The following SHANK2 variants were observed in gnomAD, a reference collection of about 807,000 sequenced individuals.
SHANK2 encodes the protein SH3 and multiple ankyrin repeat domains 2, also known as SH3 and multiple ankyrin repeat domains protein 2.
Under a neutral mutation model 133.7 loss-of-function variants are expected in SHANK2, and 43 were observed. The observed-to-expected ratio is 0.32, with a 90% CI of 0.25 to 0.41. The LOEUF (loss-of-function observed/expected upper bound fraction) is 0.41, where lower values mean the gene tolerates loss of function less well. Ranked by LOEUF, SHANK2 falls within the 10% of genes least tolerant of loss-of-function variation. The probability of loss-of-function intolerance (pLI) is 1.00; values close to 1 mark genes in which losing one functional copy is unlikely to be tolerated. For missense variants in SHANK2, 1,994 were observed against 2,235.8 expected, an observed-to-expected ratio of 0.89 and a Z score of 2.18; for synonymous variants, 1,017 against 952.8, an observed-to-expected ratio of 1.07 and a Z score of -1.24.
chr11:71,145,816 CG>C (rs1952632499), intron 3 of SHANK2, among the ~76,000 whole-genome samples: 4 of 151,908 alleles, frequency 2.6e-5, no homozygotes, highest in Non-Finnish European at 5.9e-5. Flanking sequence ...TCATAGAGGT[CG>C]GGGTGGATGC....
chr11:70,475,707 C>T (rs931213748), intron 25 of SHANK2, among the ~76,000 whole-genome samples: 1 of 152,162 alleles, frequency 6.6e-6, no homozygotes, highest in Admixed American at 6.5e-5. Context: ...CACTGCTGGG[C>T]CAGGGACCCC....
At chr11:70,668,557 A>C (rs1555015320) in intron 15 of SHANK2, 2 of 152,252 alleles carry the variant, frequency 1.3e-5, no homozygotes, top group African/African-American at 2.4e-5. Flanking sequence ...TCTTGTTTTG[A>C]GCCCCCTAGT....
At chr11:70,757,436 T>C (rs2134951343) in intron 14 of SHANK2, among the ~76,000 whole-genome samples, 1 of 152,212 alleles carries the variant, frequency 6.6e-6, no homozygotes, top group East Asian at 1.9e-4. Context: ...GTCCCCTACA[T>C]GGAGAGGCCG....
At chr11:70,839,156 C>T (rs555092831) in intron 11 of SHANK2, among the ~76,000 whole-genome samples, 79 of 152,324 alleles carry the variant, frequency 5.2e-4, no homozygotes, top group Non-Finnish European at 9.6e-4. Flanking sequence ...AACACACTTG[C>T]GGATATTCAG....
intron 21 of SHANK2, among the ~76,000 whole-genome samples, chr11:70,495,098 G>A (rs1283683614): frequency 6.6e-6 from 1 of 152,178 alleles, no homozygotes; most frequent in Non-Finnish European, 1.5e-5. Flanking sequence ...TGTGACCCCA[G>A]TCCAGAGCCG....
chr11:70,955,428 T>TGTGTGC (rs1429930083), intron 10 of SHANK2, among the ~76,000 whole-genome samples: 1 of 130,416 alleles, frequency 7.7e-6, no homozygotes, highest in African/African-American at 2.7e-5. Context: ...ACGGGGTGTG[T>TGTGTGC]GTGTGTGTGT....
At chr11:71,215,943 G>A (rs1234693105) in intron 2 of SHANK2, among the ~76,000 whole-genome samples, 1 of 152,074 alleles carries the variant, frequency 6.6e-6, no homozygotes, top group African/African-American at 2.4e-5. Flanking sequence ...CCACCCTCCA[G>A]GATGAAGATA....
chr11:71,058,362 C>T (rs1024243568), intron 9 of SHANK2, among the ~76,000 whole-genome samples: 15 of 152,114 alleles, frequency 9.9e-5, no homozygotes, highest in African/African-American at 1.9e-4. Context: ...AGAATGTTGA[C>T]GTAGCCAATA....
At chr11:70,491,912 C>T (rs575162851) in intron 22 of SHANK2, among the ~76,000 whole-genome samples, 3 of 152,288 alleles carry the variant, frequency 2.0e-5, no homozygotes, top group African/African-American at 4.8e-5. Context: ...AAGTGTTGCC[C>T]AGGATCTCGG....
In SHANK2 at chr11:70,569,074, T is replaced by TA. The variant is rs1225818752; in HGVS notation, c.2062-66144dup. On this transcript the variant is annotated intron_variant, in intron 17 of 25. Transcript: ENST00000601538. This position sits in a 1 kb window ranked among gnomAD's most constrained non-coding sequence, Gnocchi z 5.1. ...CAGGCCCCACTCCTGCCGCTGGACTTACAGTGAACGGAGCCAGGAAAGCGA... is the reference window on the plus strand; with the variant it reads ...CAGGCCCCACTCCTGCCGCTGGACTTAACAGTGAACGGAGCCAGGAAAGCGA... Among the ~76,000 whole-genome samples the TA allele has an allele frequency of 2.0e-4, 31 of 152,294 alleles. 1 individual carries two copies. Among genetic ancestry groups the TA allele is most frequent in the African/African-American group, 7.0e-4 (29 of 41,578 alleles).
At chr11:71,166,785 C>T (rs1953160126) in intron 2 of SHANK2, among the ~76,000 whole-genome samples, 1 of 150,932 alleles carries the variant, frequency 6.6e-6, no homozygotes, top group African/African-American at 2.4e-5. Flanking sequence ...ACCGGGCCCA[C>T]ACTTCTTTTT....
chr11:70,770,081 C>T (rs1322626668), intron 14 of SHANK2, among the ~76,000 whole-genome samples: 1 of 152,350 alleles, frequency 6.6e-6, no homozygotes, highest in East Asian at 1.9e-4. Context: ...CTCTGGCTCC[C>T]TCTGATTCTG....
chr11:70,669,106 A>T (rs1944743013), intron 15 of SHANK2: 1 of 152,270 alleles, frequency 6.6e-6, no homozygotes, highest in Non-Finnish European at 1.5e-5. Flanking sequence ...AGGAACTTCC[A>T]TCCAATGATC....
intron 17 of SHANK2, among the ~76,000 whole-genome samples, chr11:70,544,910 G>A (rs1370223596): frequency 6.6e-6 from 1 of 152,220 alleles, no homozygotes; most frequent in Non-Finnish European, 1.5e-5. Flanking sequence ...GAGCACCAAG[G>A]ACACCGTCGC....
intron 6 of SHANK2, among the ~76,000 whole-genome samples, chr11:71,104,280 A>G (rs1951769414): frequency 6.6e-6 from 1 of 152,082 alleles, no homozygotes; most frequent in Non-Finnish European, 1.5e-5. Flanking sequence ...AGTAGGGGTT[A>G]ATGTCTCCTC....
intron 14 of SHANK2, among the ~76,000 whole-genome samples, chr11:70,727,090 T>A (rs967071853): frequency 2.0e-5 from 3 of 152,254 alleles, no homozygotes; most frequent in African/African-American, 7.2e-5. Context: ...TTGGGATAAT[T>A]TGTTATGCAG....
In SHANK2 at chr11:70,739,669, G is replaced by C. The variant is rs191422873; in HGVS notation, c.1778-40906C>G. On this transcript the variant is annotated intron_variant, in intron 14 of 25. Transcript: ENST00000601538. The surrounding 1 kb of genome is among the most constrained non-coding windows in gnomAD (Gnocchi z 4.3). ...CCAGGGAGGCTGTGATGGGCTGAACGGAGTCCCTCCAAATTCATATGCTGA... is the reference window on the plus strand; with the variant it reads ...CCAGGGAGGCTGTGATGGGCTGAACCGAGTCCCTCCAAATTCATATGCTGA... Among the ~76,000 whole-genome samples the C allele has an allele frequency of 0.022, 3,286 of 152,294 alleles. 66 individuals are homozygous for C. The highest frequency in any genetic ancestry group is 0.03 in the Non-Finnish European group (2,065 of 68,018).
chr11:70,492,069 C>G (rs1166431651), intron 22 of SHANK2, among the ~76,000 whole-genome samples: 1 of 152,164 alleles, frequency 6.6e-6, no homozygotes, highest in Non-Finnish European at 1.5e-5. Flanking sequence ...CTCACGGGTC[C>G]TCAGCCAAGT....
chr11:71,087,591 C>A (rs1951435633), intron 8 of SHANK2, among the ~76,000 whole-genome samples: 1 of 152,166 alleles, frequency 6.6e-6, no homozygotes, highest in Non-Finnish European at 1.5e-5. Context: ...TCACAGAGAA[C>A]AAGCGAGCTT....
Sources: allele counts gnomAD v4.1 joint callset (sites outside exome capture counted in the v4.1 genomes callset), GRCh38; gene constraint gnomAD v4.1.1; non-coding constraint Gnocchi (gnomAD v3.1); transcripts MANE v1.5; gene names NCBI Gene and HGNC (gene_info 2026-07-23, HGNC 2026-07-21).